Variants in FBXO27 observed in about 807,000 individuals in gnomAD.
FBXO27 encodes the protein F-box protein 27.
Under a neutral mutation model 28.3 loss-of-function variants are expected in FBXO27, and 28 were observed. The ratio of observed to expected loss-of-function variants is 0.99; its 90% CI spans 0.73 to 1.36. The LOEUF (loss-of-function observed/expected upper bound fraction) is 1.36. FBXO27 is among the 40% of genes most tolerant of loss of function. FBXO27 has a pLI of 0.00. For synonymous variants in FBXO27, 175 were observed against 167.3 expected, an observed-to-expected ratio of 1.05 and a Z score of -0.36; for missense variants, 388 against 394.1, an observed-to-expected ratio of 0.98 and a Z score of 0.13.
In FBXO27 at chr19:39,031,115, G is replaced by C. The variant is rs372038018; in HGVS notation, c.486C>G (p.Cys162Trp). Residue 162 changes from cysteine to tryptophan, a missense_variant, in exon 4 of 6, where the codon TGC (cysteine) becomes TGG (tryptophan). Transcript: ENST00000292853. ...TCFVTSFSWC[C>W]KKQVLDLEEE... is the part of the protein sequence containing the mutation. ...CCTCTAGGTCCAAGACCTGCTTCTT[G>C]CAACACCAGCTGGGAATGCAGGAGA... The C allele has an allele frequency of 8.1e-6, 13 of 1,613,950 alleles. No homozygotes were observed. Among genetic ancestry groups the C allele is most frequent in the Non-Finnish European group, 1.1e-5 (13 of 1,179,998 alleles).
chr19:39,013,886 G>A (rs1466780443), intron 2 of FBXO27, among the ~76,000 whole-genome samples: 7 of 151,986 alleles, frequency 4.6e-5, no homozygotes, highest in East Asian at 3.9e-4. Context: ...GGTGGTGGGC[G>A]CCTGTAGTCC....
At position 39,032,005 on chromosome 19, in the gene FBXO27, G is replaced by T. The variant is rs1284710177; in HGVS notation, c.223C>A (p.His75Asn). 13 of 1,516,852 alleles carry T rather than the reference G, an allele frequency of 8.6e-6. No individual in the cohort carries two copies. Among genetic ancestry groups the T allele is most frequent in the Non-Finnish European group, 9.6e-6 (11 of 1,141,230 alleles). 94.0% of individuals were successfully genotyped at this position (1,516,852 alleles called of 1,614,324 possible). A position where few individuals can be genotyped will look rare whatever the true frequency, so the allele number is the denominator to read the frequency against. ...AGCAGCGCGCGGCCGGTGGCGCCGT[G>T]GTCGCGGGCCAGGATCAGCAGCCAC... ...ALWLLILARD[H>N]GATGRALLHL... The change falls in exon 2 of 6, where the codon CAC becomes AAC. Residue 75 changes from histidine to asparagine, a missense_variant. His to Asn is a moderately conservative substitution (Grantham distance 68). Coordinates refer to ENST00000292853, the MANE Select transcript of FBXO27 (RefSeq NM_178820.5). The surrounding 1 kb of genome is among the most constrained non-coding windows in gnomAD (Gnocchi z 4.7).
At position 39,032,371 on chromosome 19, in the gene FBXO27, C is replaced by G; in HGVS notation, c.-26-118G>C. On this transcript the variant is annotated intron_variant, in intron 1 of 5. Transcript: ENST00000292853. The surrounding 1 kb of genome is among the most constrained non-coding windows in gnomAD (Gnocchi z 4.7). The stretch of plus-strand genomic sequence containing the variant: ...CTTCACCATCCCTGGGCCCCGTCCC[C>G]AAGTCCCCATCCCCCAGCCCGTCCT... The G allele has an allele frequency of 8.3e-7, 1 of 1,205,186 alleles. No homozygotes were observed. The highest frequency in any genetic ancestry group is 1.1e-6 in the Non-Finnish European group (1 of 922,992). The allele number at this position is 1,205,186 out of a possible 1,614,324, so 74.7% of individuals were successfully genotyped here. A position where few individuals can be genotyped will look rare whatever the true frequency, so the allele number is the denominator to read the frequency against.
At chr19:39,012,314 A>G (rs1443816197) in intron 2 of FBXO27, among the ~76,000 whole-genome samples, 1 of 151,334 alleles carries the variant, frequency 6.6e-6, no homozygotes, top group East Asian at 2.0e-4. Flanking sequence ...CCTTCCGAGT[A>G]GCTGCGATTA....
At chr19:39,009,010 C>T (rs566384735) in intron 2 of FBXO27, among the ~76,000 whole-genome samples, 2 of 152,050 alleles carry the variant, frequency 1.3e-5, no homozygotes, top group South Asian at 2.1e-4. Flanking sequence ...TTAGTAGAGA[C>T]GGGGTTTCAC....
At position 39,011,259 on chromosome 19, in the gene FBXO27, C is replaced by T. The variant is rs139583458; in HGVS notation, c.252+3128G>A. 5.1e-3 allele frequency among the ~76,000 whole-genome samples: 779 copies of T among 152,106 alleles called. 3 individuals carry two copies. The highest frequency in any genetic ancestry group is 0.018 in the African/African-American group (743 of 41,508). ...CACCCTGGGCAACATGGTGAAACCC[C>T]GTCTCTACTAAAAATACAAAACATT... On this transcript the variant is annotated intron_variant, in intron 2 of 2. Coordinates refer to the FBXO27 transcript ENST00000598394.
intron 2 of FBXO27, among the ~76,000 whole-genome samples, chr19:39,012,319 C>A (rs147568766): frequency 1.3e-5 from 2 of 151,500 alleles, no homozygotes; most frequent in Admixed American, 6.6e-5. Context: ...CGAGTAGCTG[C>A]GATTACAGGC....
intron 4 of FBXO27, among the ~76,000 whole-genome samples, chr19:39,028,469 T>C (rs899154224): frequency 6.6e-6 from 1 of 152,056 alleles, no homozygotes; most frequent in Admixed American, 6.6e-5. Context: ...CCGTGGTGGC[T>C]CACACCTGTA....
chr19:39,031,925 C>T lies in FBXO27; in HGVS notation c.303G>A (p.Leu101=). Residue 101 remains leucine, a synonymous_variant, in exon 2 of 6, where the codon CTG becomes CTA. Transcript: ENST00000292853. ...TGGGTCTGCGCGCGCAGAAGCGGCC[C>T]AGGGGGCAAGGCCTGGCGTTACGGG... ...SPARNARPCP[L]GRFCARRPIG... is the part of the protein sequence containing the mutation. The T allele has an allele frequency of 6.6e-7, 1 of 1,511,826 alleles. No individual in the cohort carries two copies. Among genetic ancestry groups the T allele is most frequent in the Non-Finnish European group, 8.8e-7 (1 of 1,141,920 alleles). 93.7% of individuals were successfully genotyped at this position (1,511,826 alleles called of 1,614,324 possible). A position where few individuals can be genotyped will look rare whatever the true frequency, so the allele number is the denominator to read the frequency against.
intron 5 of FBXO27, 44 bp downstream of exon 5, chr19:39,026,826 T>C (rs779798972): frequency 1.9e-6 from 3 of 1,611,442 alleles, no homozygotes; most frequent in Non-Finnish European, 2.5e-6. Flanking sequence ...TTTGCAGCAA[T>C]AGGCCCCCAG....
intron 2 of FBXO27, among the ~76,000 whole-genome samples, chr19:39,007,756 C>T (rs1975746275): frequency 6.6e-6 from 1 of 152,172 alleles, no homozygotes; most frequent in Admixed American, 6.6e-5. Flanking sequence ...GATCCTCCCA[C>T]CTCAGCCTCC....
Position 39,032,395 on chromosome 19 carries a change from C to G in FBXO27, c.-27+108G>C. The stretch of plus-strand genomic sequence containing the variant: ...CCAAGTCCCCATCCCCCAGCCCGTC[C>G]TTGATAGCCCCGATATCCCGGAGAC... On this transcript the variant is annotated intron_variant, in intron 1 of 5. Coordinates refer to ENST00000292853, the MANE Select transcript of FBXO27 (RefSeq NM_178820.5). The surrounding 1 kb of genome is among the most constrained non-coding windows in gnomAD (Gnocchi z 4.7). The G allele has an allele frequency of 1.0e-6, 1 of 992,120 alleles. No individual in the cohort carries two copies. The allele number at this position is 992,120 out of a possible 1,614,324, so 61.5% of individuals were successfully genotyped here. A position where few individuals can be genotyped will look rare whatever the true frequency, so the allele number is the denominator to read the frequency against.
At chr19:39,031,409 T>C in intron 2 of FBXO27, 89 bp from the exon 3 acceptor site, 1 of 1,189,536 alleles carries the variant, frequency 8.4e-7, no homozygotes, top group Non-Finnish European at 1.2e-6. Flanking sequence ...TCCCACGTGC[T>C]CACAGTGCAG....
chr19:39,009,106 G>A (rs1453779051), intron 2 of FBXO27, among the ~76,000 whole-genome samples: 1 of 152,232 alleles, frequency 6.6e-6, no homozygotes, highest in East Asian at 1.9e-4. Flanking sequence ...ACAGGCGTGA[G>A]CCTCCATGCC....
intron 2 of FBXO27, among the ~76,000 whole-genome samples, chr19:39,011,440 A>AT (rs890135674): frequency 4.6e-5 from 7 of 151,800 alleles, no homozygotes; most frequent in African/African-American, 9.7e-5. Flanking sequence ...TCTCAAAACA[A>AT]TTTTTTTTTG....
intron 1 of FBXO27, among the ~76,000 whole-genome samples, chr19:39,016,564 C>A (rs1159887751): frequency 4.0e-5 from 5 of 124,386 alleles, no homozygotes; most frequent in African/African-American, 9.1e-5. Flanking sequence ...CCAGCCTGGG[C>A]AACATAGTGA....
downstream of FBXO27, among the ~76,000 whole-genome samples, chr19:39,020,540 A>G (rs984567146): frequency 6.6e-6 from 1 of 152,106 alleles, no homozygotes; most frequent in Non-Finnish European, 1.5e-5. Flanking sequence ...GACTGTCAAC[A>G]CTATGGAAGA....
intron 4 of FBXO27, among the ~76,000 whole-genome samples, chr19:39,029,082 T>C (rs2072888451): frequency 6.7e-6 from 1 of 149,854 alleles, no homozygotes; most frequent in Non-Finnish European, 1.5e-5. Flanking sequence ...TGGAGATGTA[T>C]CTCTTAATGA....
chr19:39,031,757 T>TGCCCCTGCGGCCCC (rs2072905842), intron 2 of FBXO27, 107 bp downstream of exon 2: 1 of 1,064,440 alleles, frequency 9.4e-7, no homozygotes, highest in Non-Finnish European at 1.1e-6. Flanking sequence ...ACTGCGGCCC[T>TGCCCCTGCGGCCCC]GCCCCTGCGG....
Sources: gnomAD v4.1 joint callset for allele counts (sites outside exome capture counted in the v4.1 genomes callset) on GRCh38, gnomAD v4.1.1 for gene constraint, Gnocchi (gnomAD v3.1) non-coding constraint, MANE v1.5 for transcripts, NCBI Gene and HGNC (gene_info 2026-07-23, HGNC 2026-07-21) for gene names.